The following CNTNAP5 variants were observed in gnomAD, a reference collection of about 807,000 sequenced individuals.
The protein encoded by CNTNAP5 is contactin-associated protein-like 5.
Under a neutral mutation model 150.2 loss-of-function variants are expected in CNTNAP5, and 72 were observed. That is an observed-to-expected ratio of 0.48 (90% CI 0.40 to 0.58). CNTNAP5 has a LOEUF of 0.58. Among genes scored for constraint, CNTNAP5 ranks in the 20% least tolerant of loss-of-function variants. CNTNAP5 has a pLI of 0.00. For synonymous variants in CNTNAP5, 672 were observed against 619.8 expected, an observed-to-expected ratio of 1.08 and a Z score of -1.25; for missense variants, 1,636 against 1,626.2, an observed-to-expected ratio of 1.01 and a Z score of -0.10.
chr2:124,801,335 A>G (rs1206036249), intron 19 of CNTNAP5, among the ~76,000 whole-genome samples: 2 of 152,308 alleles, frequency 1.3e-5, no homozygotes, highest in East Asian at 3.9e-4. Flanking sequence ...ATCTAGATAG[A>G]GGAAGCAGTC....
chr2:124,174,261 G>A (rs2104669118), intron 1 of CNTNAP5, among the ~76,000 whole-genome samples: 1 of 152,282 alleles, frequency 6.6e-6, no homozygotes, highest in African/African-American at 2.4e-5. Flanking sequence ...GGATCAAGTA[G>A]TAATTTTGAC....
intron 3 of CNTNAP5, among the ~76,000 whole-genome samples, chr2:124,305,515 AATAGTTACC>A (rs1688665768): frequency 6.6e-6 from 1 of 152,198 alleles, no homozygotes; most frequent in Admixed American, 6.5e-5. Context: ...TTAGGAGAAA[AATAGTTACC>A]ATGTCTGCTA....
At chr2:124,320,546 C>A (rs1051801743) in intron 3 of CNTNAP5, among the ~76,000 whole-genome samples, 46 of 152,264 alleles carry the variant, frequency 3.0e-4, no homozygotes, top group Non-Finnish European at 8.8e-5. Context: ...CTCAGACTCA[C>A]CTGACCTCAC....
At chr2:124,822,391 A>G (rs1682510244) in intron 19 of CNTNAP5, among the ~76,000 whole-genome samples, 1 of 152,150 alleles carries the variant, frequency 6.6e-6, no homozygotes, top group African/African-American at 2.4e-5. Context: ...CTTTATGGAC[A>G]ATTTTAACCA....
At chr2:124,211,018 G>A (rs1685997277) in intron 1 of CNTNAP5, among the ~76,000 whole-genome samples, 1 of 151,884 alleles carries the variant, frequency 6.6e-6, no homozygotes, top group Non-Finnish European at 1.5e-5. Context: ...ATGATGCCTG[G>A]GACACTGTAC....
chr2:124,355,396 A>G (rs1689970566), intron 3 of CNTNAP5, among the ~76,000 whole-genome samples: 2 of 152,066 alleles, frequency 1.3e-5, no homozygotes, highest in South Asian at 4.1e-4. Context: ...CTAAACTTTC[A>G]CAAGGGTTTG....
chr2:124,530,607 G>A (rs1457380227), intron 10 of CNTNAP5, among the ~76,000 whole-genome samples: 1 of 152,202 alleles, frequency 6.6e-6, no homozygotes, highest in Non-Finnish European at 1.5e-5. Flanking sequence ...TGGGAGGAAA[G>A]GACTTGGAAG....
At chr2:124,640,477 G>A (rs919885037) in intron 12 of CNTNAP5, among the ~76,000 whole-genome samples, 2 of 152,104 alleles carry the variant, frequency 1.3e-5, no homozygotes, top group African/African-American at 2.4e-5. Context: ...CCGGTAATGC[G>A]CACACCTCCA....
At chr2:124,177,933 G>A (rs1197257527) in intron 1 of CNTNAP5, among the ~76,000 whole-genome samples, 1 of 150,702 alleles carries the variant, frequency 6.6e-6, no homozygotes, top group Non-Finnish European at 1.5e-5. Context: ...TGCAACCTCT[G>A]CCTCCTGGGT....
chr2:124,697,104 CTT>C (rs1415187858), intron 13 of CNTNAP5, among the ~76,000 whole-genome samples: 2 of 151,832 alleles, frequency 1.3e-5, no homozygotes, highest in Admixed American at 1.3e-4. Context: ...TAAAAAAAAT[CTT>C]TATTTGTTTT....
intron 10 of CNTNAP5, among the ~76,000 whole-genome samples, chr2:124,538,770 AG>A (rs1232982222): frequency 6.6e-6 from 1 of 152,194 alleles, no homozygotes; most frequent in Non-Finnish European, 1.5e-5. Flanking sequence ...TGTGAGAAAA[AG>A]GTTTAGATTC....
intron 10 of CNTNAP5, among the ~76,000 whole-genome samples, chr2:124,528,013 C>T (rs1695016397): frequency 6.6e-6 from 1 of 152,154 alleles, no homozygotes; most frequent in African/African-American, 2.4e-5. Context: ...TCTGGCTCTT[C>T]TTATATTAGA....
In CNTNAP5 at chr2:124,176,143, G is replaced by C. The variant is rs191647133; in HGVS notation, c.83-45562G>C. The stretch of plus-strand genomic sequence containing the variant: ...TCTCCTCCTTTCTAATGTCTTCCTT[G>C]TTCTCCATGTCCCTGGTCTAAAGAA... On this transcript the variant is annotated intron_variant, in intron 1 of 23. Transcript: ENST00000682447. Among the ~76,000 whole-genome samples the C allele has an allele frequency of 1.4e-4, 21 of 152,256 alleles. 1 individual carries two copies. Among genetic ancestry groups the C allele is most frequent in the African/African-American group, 4.1e-4 (17 of 41,548 alleles).
intron 12 of CNTNAP5, among the ~76,000 whole-genome samples, chr2:124,619,546 A>G (rs561067483): frequency 4.5e-4 from 68 of 152,124 alleles, no homozygotes; most frequent in African/African-American, 1.6e-3. Flanking sequence ...ACTGTCCTGA[A>G]TGTTTCCTGT....
At chr2:124,031,032 A>G (rs1681034122) in intron 1 of CNTNAP5, among the ~76,000 whole-genome samples, 1 of 152,052 alleles carries the variant, frequency 6.6e-6, no homozygotes, top group Non-Finnish European at 1.5e-5. Flanking sequence ...CACATTCCAC[A>G]AACAAGCTAT....
intron 1 of CNTNAP5, among the ~76,000 whole-genome samples, chr2:124,068,647 C>A (rs573016904): frequency 4.6e-5 from 7 of 151,770 alleles, no homozygotes; most frequent in African/African-American, 1.7e-4. Context: ...GTGCTTGCAC[C>A]ACCCCTCCTT....
chr2:124,610,324 G>T (rs2104984819), intron 12 of CNTNAP5, among the ~76,000 whole-genome samples: 1 of 152,262 alleles, frequency 6.6e-6, no homozygotes, highest in South Asian at 2.1e-4. Flanking sequence ...CCCAAGGGAT[G>T]CATGACCCTT....
At chr2:124,909,594 C>T (rs552099881) in intron 22 of CNTNAP5, among the ~76,000 whole-genome samples, 2 of 151,788 alleles carry the variant, frequency 1.3e-5, no homozygotes, top group African/African-American at 4.8e-5. Context: ...TACAGGAGAT[C>T]TAATAACTAA....
At chr2:124,036,173 C>A (rs983924197) in intron 1 of CNTNAP5, among the ~76,000 whole-genome samples, 1 of 151,926 alleles carries the variant, frequency 6.6e-6, no homozygotes, top group African/African-American at 2.4e-5. Context: ...ATCCACCCGC[C>A]TCGGCCTCCC....
Sources: gnomAD v4.1 joint callset for allele counts (sites outside exome capture counted in the v4.1 genomes callset) on GRCh38, gnomAD v4.1.1 for gene constraint, MANE v1.5 for transcripts, NCBI Gene and HGNC (gene_info 2026-07-23, HGNC 2026-07-21) for gene names.